Variants in TXN observed in about 807,000 individuals in gnomAD.
The protein encoded by TXN is ADF.
In TXN, 10 loss-of-function variants were observed where a neutral mutation model predicts 16.5. That is an observed-to-expected ratio of 0.61 (90% CI 0.37 to 1.03). The LOEUF is 1.03. Among genes scored for constraint, TXN ranks in the 50% least tolerant of loss-of-function variants. The pLI is 0.01. For missense variants in TXN, 71 were observed against 122.5 expected, an observed-to-expected ratio of 0.58 and a Z score of 1.98; for synonymous variants, 35 against 39.4, an observed-to-expected ratio of 0.89 and a Z score of 0.42.
chr9:110,249,988 C>G (rs903165121), intron 3 of TXN, among the ~76,000 whole-genome samples: 1 of 152,074 alleles, frequency 6.6e-6, no homozygotes, highest in Non-Finnish European at 1.5e-5. Context: ...TAAAGGGCCC[C>G]GAAGTGATAC....
intron 4 of TXN, among the ~76,000 whole-genome samples, chr9:110,244,422 T>C (rs1278545651): frequency 7.1e-6 from 1 of 141,754 alleles, no homozygotes; most frequent in Non-Finnish European, 1.6e-5. Flanking sequence ...TAAACTTCCC[T>C]GAATAACATA....
At chr9:110,253,121 AATAAAAAACCATAAG>A (rs1837762916) in intron 1 of TXN, among the ~76,000 whole-genome samples, 1 of 152,044 alleles carries the variant, frequency 6.6e-6, no homozygotes, top group East Asian at 1.9e-4. Context: ...AAATCAAATA[AATAAAAAACCATAAG>A]ATAAAAAACC....
intron 2 of TXN, among the ~76,000 whole-genome samples, 181 bp from the exon 3 acceptor site, chr9:110,251,060 G>C (rs1260576813): frequency 6.6e-6 from 1 of 152,036 alleles, no homozygotes; most frequent in African/African-American, 2.4e-5. Context: ...ATTTTTCTTA[G>C]TATAAAACAG....
chr9:110,246,578 C>A (rs929616753), intron 3 of TXN, among the ~76,000 whole-genome samples: 1 of 152,102 alleles, frequency 6.6e-6, no homozygotes, highest in Non-Finnish European at 1.5e-5. Flanking sequence ...GGACAGCAAG[C>A]GAGCAGGCAG....
chr9:110,255,911 C>T (rs1837803258), intron 1 of TXN, among the ~76,000 whole-genome samples: 1 of 152,224 alleles, frequency 6.6e-6, no homozygotes, highest in South Asian at 2.1e-4. Flanking sequence ...GCAGCGGCGG[C>T]CACCGACCCG....
chr9:110,246,932 T>C (rs1837667138), intron 3 of TXN, among the ~76,000 whole-genome samples: 2 of 152,206 alleles, frequency 1.3e-5, no homozygotes, highest in African/African-American at 2.4e-5. Flanking sequence ...GGTTGGTCTA[T>C]CATTTTCAAA....
At chr9:110,245,654 AT>A (rs1228829953) in intron 3 of TXN, among the ~76,000 whole-genome samples, 366 of 21,728 alleles carry the variant, frequency 0.017, 15 homozygotes, top group Non-Finnish European at 0.022. Context: ...ATATATATAT[AT>A]TTTTTTTTTT....
At chr9:110,255,213 T>C (rs1837792464) in intron 1 of TXN, among the ~76,000 whole-genome samples, 1 of 152,212 alleles carries the variant, frequency 6.6e-6, no homozygotes. Context: ...CGCCCTCCTC[T>C]GCTTCCCGCA....
At position 110,256,382 on chromosome 9, in the gene TXN, G is replaced by A. The variant is rs1173959378; in HGVS notation, c.24+30C>T. 1 of 1,594,142 alleles carries A rather than the reference G, an allele frequency of 6.3e-7. No individual in the cohort carries two copies. Among genetic ancestry groups the A allele is most frequent in the Non-Finnish European group, 8.5e-7 (1 of 1,170,052 alleles). ...AGTTACAGAGGCCGCGCGCGGCGCCGGCACCCTGGCCTTCCCCGGTAGCGC... is the reference window on the plus strand; with the variant it reads ...AGTTACAGAGGCCGCGCGCGGCGCCAGCACCCTGGCCTTCCCCGGTAGCGC... On this transcript the variant is annotated intron_variant, in intron 1 of 4. Transcript: ENST00000374517. This position sits in a 1 kb window ranked among gnomAD's most constrained non-coding sequence, Gnocchi z 4.2.
At chr9:110,252,276 A>G (rs2118578443) in intron 1 of TXN, among the ~76,000 whole-genome samples, 1 of 149,658 alleles carries the variant, frequency 6.7e-6, no homozygotes, top group African/African-American at 2.5e-5. Context: ...TCATTTGTCT[A>G]TGGTGGACCA....
intron 1 of TXN, among the ~76,000 whole-genome samples, chr9:110,254,996 G>A (rs555962856): frequency 9.4e-4 from 143 of 152,264 alleles, no homozygotes; most frequent in African/African-American, 3.3e-3. Context: ...AACACATGAG[G>A]GCTGCTAAAA....
intron 3 of TXN, among the ~76,000 whole-genome samples, chr9:110,248,355 T>A (rs1399348860): frequency 6.6e-6 from 1 of 152,228 alleles, no homozygotes; most frequent in Non-Finnish European, 1.5e-5. Context: ...TACCATTTTT[T>A]AATCTTTCAT....
intron 1 of TXN, among the ~76,000 whole-genome samples, chr9:110,252,400 C>T (rs1386910181): frequency 1.3e-5 from 2 of 152,082 alleles, no homozygotes; most frequent in Non-Finnish European, 2.9e-5. Context: ...TGAGATCACA[C>T]GTTTACCAAC....
chr9:110,256,358 G>C lies in TXN; in HGVS notation c.24+54C>G. ...CCACCTCCCGCCACCGCCTTCCCCAGTTACAGAGGCCGCGCGCGGCGCCGG... is the reference window on the plus strand; with the variant it reads ...CCACCTCCCGCCACCGCCTTCCCCACTTACAGAGGCCGCGCGCGGCGCCGG... On this transcript the variant is annotated intron_variant, in intron 1 of 4. Transcript: ENST00000374517. The surrounding 1 kb of genome is among the most constrained non-coding windows in gnomAD (Gnocchi z 4.2). The C allele has an allele frequency of 6.4e-7, 1 of 1,555,606 alleles. No individual in the cohort carries two copies. The highest frequency in any genetic ancestry group is 2.4e-5 in the East Asian group (1 of 41,440).
At chr9:110,251,520 G>T in intron 1 of TXN, 58 bp from the exon 2 acceptor site, 1 of 776,570 alleles carries the variant, frequency 1.3e-6, no homozygotes, top group African/African-American at 2.2e-5. Flanking sequence ...ACCTTCAAAA[G>T]AAAGACTCGA....
At chr9:110,251,260 G>A (rs1587923676) in intron 2 of TXN, 98 bp downstream of exon 2, 49 of 928,232 alleles carry the variant, frequency 5.3e-5, no homozygotes, top group South Asian at 4.2e-5. Flanking sequence ...TCCCCCCACC[G>A]AAACCAAAAT....
chr9:110,247,255 G>A (rs543055005), intron 3 of TXN, among the ~76,000 whole-genome samples: 1 of 151,780 alleles, frequency 6.6e-6, no homozygotes, highest in African/African-American at 2.4e-5. Flanking sequence ...CCCGGGAGGT[G>A]GAGGTTGCAG....
At chr9:110,252,223 C>CAAAAAAAAAAAAAAAAAAAAAAAA (rs377246017) in intron 1 of TXN, among the ~76,000 whole-genome samples, 3 of 58,424 alleles carry the variant, frequency 5.1e-5, no homozygotes, top group African/African-American at 1.8e-4. Flanking sequence ...GACTCTGTCG[C>CAAAAAAAAAAAAAAAAAAAAAAAA]AAAAAAAAAA....
chr9:110,256,381 C>T lies in TXN; in HGVS notation c.24+31G>A, dbSNP rs1480167537. 4 of 1,600,062 alleles carry T rather than the reference C, an allele frequency of 2.5e-6. No individual in the cohort carries two copies. The highest frequency in any genetic ancestry group is 3.4e-6 in the Non-Finnish European group (4 of 1,173,734). On this transcript the variant is annotated intron_variant, in intron 1 of 4. Transcript: ENST00000374517. The surrounding 1 kb of genome is among the most constrained non-coding windows in gnomAD (Gnocchi z 4.2). ...CAGTTACAGAGGCCGCGCGCGGCGCCGGCACCCTGGCCTTCCCCGGTAGCG... is the reference window on the plus strand; with the variant it reads ...CAGTTACAGAGGCCGCGCGCGGCGCTGGCACCCTGGCCTTCCCCGGTAGCG...
Sources: gnomAD v4.1 joint callset for allele counts (sites outside exome capture counted in the v4.1 genomes callset) on GRCh38, gnomAD v4.1.1 for gene constraint, Gnocchi (gnomAD v3.1) non-coding constraint, MANE v1.5 for transcripts, NCBI Gene and HGNC (gene_info 2026-07-23, HGNC 2026-07-21) for gene names.